Variants in KCNH8 observed in about 807,000 individuals in gnomAD.
KCNH8 encodes the protein potassium voltage-gated channel subfamily H member 8.
In KCNH8, 70 loss-of-function variants were observed where a neutral mutation model predicts 103.6. The ratio of observed to expected loss-of-function variants is 0.68; its 90% confidence interval spans 0.56 to 0.82. KCNH8 has a LOEUF of 0.82. Among genes scored for constraint, KCNH8 ranks in the 40% least tolerant of loss-of-function variants. The pLI, the probability that KCNH8 is intolerant of heterozygous loss-of-function variation, is 0.00. For missense variants in KCNH8, 1,217 were observed against 1,329.9 expected (o/e 0.92, Z 1.32); for synonymous variants, 498 against 489.4 (o/e 1.02, Z -0.23).
intron 11 of KCNH8, among the ~76,000 whole-genome samples, chr3:19,469,727 T>C (rs887745242): frequency 2.0e-5 from 3 of 152,174 alleles, no homozygotes; most frequent in Non-Finnish European, 4.4e-5. Flanking sequence ...TAGTTTTGTG[T>C]TTATGTTCAT....
At chr3:19,413,667 A>G (rs1005793575) in intron 7 of KCNH8, among the ~76,000 whole-genome samples, 2 of 152,016 alleles carry the variant, frequency 1.3e-5, no homozygotes, top group Admixed American at 6.6e-5. Flanking sequence ...GAGGAAACCA[A>G]TCCTGCTGAC....
chr3:19,267,645 A>G (rs1271756413), intron 2 of KCNH8, among the ~76,000 whole-genome samples: 1 of 152,082 alleles, frequency 6.6e-6, no homozygotes, highest in Non-Finnish European at 1.5e-5. Context: ...TAACCCTACA[A>G]TATCTAATCT....
At chr3:19,364,468 A>T (rs572265950) in intron 5 of KCNH8, among the ~76,000 whole-genome samples, 1 of 152,268 alleles carries the variant, frequency 6.6e-6, no homozygotes, top group African/African-American at 2.4e-5. Context: ...ATTAAATGGA[A>T]TGTATTATAT....
intron 1 of KCNH8, among the ~76,000 whole-genome samples, chr3:19,191,710 T>G (rs1417186138): frequency 6.6e-6 from 1 of 151,782 alleles, no homozygotes; most frequent in Non-Finnish European, 1.5e-5. Context: ...TGTCCAACCC[T>G]AGTCCACTGC....
At chr3:19,518,345 A>G (rs903358764) in intron 15 of KCNH8, among the ~76,000 whole-genome samples, 4 of 152,028 alleles carry the variant, frequency 2.6e-5, no homozygotes, top group African/African-American at 9.7e-5. Context: ...ATCTAGGTCA[A>G]TCATTTAGCA....
chr3:19,475,542 C>T (rs1173088716), intron 11 of KCNH8, among the ~76,000 whole-genome samples: 3 of 152,132 alleles, frequency 2.0e-5, no homozygotes, highest in African/African-American at 7.2e-5. Flanking sequence ...AATTTCCTCA[C>T]TGTTTATTTC....
intron 7 of KCNH8, among the ~76,000 whole-genome samples, chr3:19,435,540 C>A (rs2067186767): frequency 6.6e-6 from 1 of 152,194 alleles, no homozygotes; most frequent in Non-Finnish European, 1.5e-5. Flanking sequence ...GAAGCCCTCA[C>A]ATGGGCTCCA....
At position 19,232,555 on chromosome 3, in the gene KCNH8, A is replaced by G. The variant is rs757946394; in HGVS notation, c.77-21099A>G. Among the ~76,000 whole-genome samples the G allele has an allele frequency of 9.8e-5, 15 of 152,352 alleles. No individual in the cohort carries two copies. In the South Asian group the frequency reaches 2.3e-3, roughly 23 times the overall value. ...CCTATAGGATGCTTTTGTAAAAATT[A>G]GAAAAAGGTACTCCTGGTGGACAAA... On this transcript the variant is annotated intron_variant, in intron 1 of 15. Transcript: ENST00000328405.
chr3:19,421,439 G>T (rs9310596), intron 7 of KCNH8, among the ~76,000 whole-genome samples: 108,551 of 151,966 alleles, frequency 0.71, 40,066 homozygotes, highest in African/African-American at 0.92. Context: ...ATGACTGTTA[G>T]GTAAAGGGTA....
At chr3:19,396,187 A>T (rs1373009028) in intron 7 of KCNH8, among the ~76,000 whole-genome samples, 1 of 152,062 alleles carries the variant, frequency 6.6e-6, no homozygotes, top group Non-Finnish European at 1.5e-5. Context: ...TTCTCTATCA[A>T]AAATCAATCT....
At chr3:19,347,633 A>G in intron 4 of KCNH8, 92 bp from the exon 5 acceptor site, 3 of 1,453,836 alleles carry the variant, frequency 2.1e-6, no homozygotes, top group Non-Finnish European at 2.8e-6. Flanking sequence ...GTAGTGAATG[A>G]TCCTACTCAC....
intron 3 of KCNH8, among the ~76,000 whole-genome samples, chr3:19,326,710 G>A (rs998180574): frequency 6.6e-6 from 1 of 152,140 alleles, no homozygotes; most frequent in African/African-American, 2.4e-5. Context: ...GTATTTTCCT[G>A]ATGACTTGTT....
intron 6 of KCNH8, among the ~76,000 whole-genome samples, chr3:19,393,026 C>G (rs2066462162): frequency 6.6e-6 from 1 of 151,890 alleles, no homozygotes; most frequent in Admixed American, 6.6e-5. Context: ...TTAGCCACCT[C>G]TCTCTCTCTT....
chr3:19,469,515 C>A (rs557252225), intron 11 of KCNH8, among the ~76,000 whole-genome samples: 26 of 152,220 alleles, frequency 1.7e-4, no homozygotes, highest in Admixed American at 1.2e-3. Flanking sequence ...TCTCGGCTCA[C>A]TGCAACCTCT....
chr3:19,452,979 A>T (rs1477289313), intron 10 of KCNH8, among the ~76,000 whole-genome samples: 1 of 152,180 alleles, frequency 6.6e-6, no homozygotes, highest in African/African-American at 2.4e-5. Flanking sequence ...TGAATGGATT[A>T]AAAATGTGGT....
chr3:19,217,318 C>T (rs560001403), intron 1 of KCNH8, among the ~76,000 whole-genome samples: 1 of 152,254 alleles, frequency 6.6e-6, no homozygotes, highest in African/African-American at 2.4e-5. Context: ...ATTCTGTGAG[C>T]AAGTTGCACA....
At chr3:19,448,757 G>A (rs1057368573) in intron 8 of KCNH8, among the ~76,000 whole-genome samples, 8 of 151,944 alleles carry the variant, frequency 5.3e-5, no homozygotes, top group African/African-American at 1.9e-4. Flanking sequence ...TAAATGTTTA[G>A]TCTTTTTTTA....
intron 3 of KCNH8, among the ~76,000 whole-genome samples, chr3:19,307,283 TG>T (rs551011513): frequency 6.6e-6 from 1 of 151,198 alleles, no homozygotes; most frequent in Non-Finnish European, 1.5e-5. Flanking sequence ...AACAAACCAA[TG>T]GCCAAAAATA....
At chr3:19,168,230 G>T (rs1207206635) in intron 1 of KCNH8, among the ~76,000 whole-genome samples, 1 of 151,974 alleles carries the variant, frequency 6.6e-6, no homozygotes, top group Non-Finnish European at 1.5e-5. Flanking sequence ...GTTTCGCCAT[G>T]TTGAGTAGGC....
Sources: gnomAD v4.1 joint callset for allele counts (sites outside exome capture counted in the v4.1 genomes callset) on GRCh38, gnomAD v4.1.1 for gene constraint, MANE v1.5 for transcripts, NCBI Gene and HGNC (gene_info 2026-07-23, HGNC 2026-07-21) for gene names.